The following MYH15 variants were observed in gnomAD, a reference collection of about 807,000 sequenced individuals.
MYH15 encodes myosin heavy chain 15, also known as myosin-15.
MYH15 carries 227 observed loss-of-function variants against 240.5 expected under a neutral mutation model. The observed-to-expected ratio is 0.94, with a 90% CI of 0.85 to 1.05. The LOEUF (loss-of-function observed/expected upper bound fraction) is 1.05, where lower values mean the gene tolerates loss of function less well. MYH15 is among the 50% of genes least tolerant of loss of function. The pLI is 0.00. For missense variants in MYH15, 2,217 were observed against 2,247.5 expected (o/e 0.99, Z 0.27); for synonymous variants, 785 against 796.7 (o/e 0.99, Z 0.25).
chr3:108,432,425 G>GAA (rs112605004), intron 25 of MYH15, among the ~76,000 whole-genome samples: 2 of 146,492 alleles, frequency 1.4e-5, no homozygotes, highest in Admixed American at 6.7e-5. Flanking sequence ...CAGTGTGATA[G>GAA]AAAAAAAAAA....
At chr3:108,498,240 G>T in intron 5 of MYH15, 95 bp from the exon 6 acceptor site, 1 of 1,063,424 alleles carries the variant, frequency 9.4e-7, no homozygotes. Context: ...TGGCAAGCAG[G>T]GAAGCTTTTA....
chr3:108,454,101 T>C lies in MYH15; in HGVS notation c.2304A>G (p.Ile768Met). 3 of 1,612,212 alleles carry C rather than the reference T, an allele frequency of 1.9e-6. No individual in the cohort carries two copies. The highest frequency in any genetic ancestry group is 3.3e-5 in the Admixed American group (2 of 59,924). ...AGACTTTAGATAGTCTCTCATCTCT[T>C]ATTGCTTCCAGTTGGCCCAGAAACC... is the stretch of plus-strand genomic sequence containing the variant. ...KAGFLGQLEA[I>M]RDERLSKVFT... Residue 768 changes from isoleucine (I) to methionine (M), a missense_variant, in exon 21 of 41, where the codon ATA becomes ATG. By Grantham distance (10) the Ile-to-Met change is conservative. Transcript: ENST00000693548.
chr3:108,533,968 C>A (rs529569807), upstream of MYH15, among the ~76,000 whole-genome samples: 1 of 152,284 alleles, frequency 6.6e-6, no homozygotes, highest in African/African-American at 2.4e-5. Flanking sequence ...AATGTATAAC[C>A]AAGTAGATCT....
intron 25 of MYH15, among the ~76,000 whole-genome samples, chr3:108,436,283 C>T (rs575164806): frequency 6.6e-5 from 10 of 152,318 alleles, no homozygotes; most frequent in African/African-American, 2.4e-4. Context: ...TGAAACACAA[C>T]TTCAAAATTG....
the MYH15 span, chr3:108,543,909 T>C: frequency 6.6e-6 from 1 of 150,654 alleles, no homozygotes; most frequent in South Asian, 2.1e-4. Flanking sequence ...AGGAGAACGG[T>C]TGGCTGGAAA....
Position 108,391,884 on chromosome 3 carries a change from G to A in MYH15, c.5306C>T (p.Ala1769Val), listed in dbSNP as rs752209256. 1 of 1,614,080 alleles carries A rather than the reference G, an allele frequency of 6.2e-7. No individual in the cohort carries two copies. The highest frequency in any genetic ancestry group is 8.5e-7 in the Non-Finnish European group (1 of 1,179,954). The change falls in exon 37 of 41, where the codon GCC (alanine) becomes GTC (valine). Residue 1769 changes from alanine to valine, a missense_variant. Transcript: ENST00000693548. ...ATTTTCTCTTGTCCTTTCCAAGTGG[G>A]CAATGGTGTCTTGCTTCTTCTTCAG... ...EELKKKQDTI[A>V]HLERTRENME...
At chr3:108,433,629 T>G (rs998285599) in intron 25 of MYH15, among the ~76,000 whole-genome samples, 3 of 152,180 alleles carry the variant, frequency 2.0e-5, no homozygotes, top group Non-Finnish European at 4.4e-5. Context: ...GCTGTTCTCA[T>G]GATAGTGAGT....
the MYH15 span, among the ~76,000 whole-genome samples, chr3:108,536,779 T>C: frequency 3.3e-5 from 5 of 152,232 alleles, no homozygotes; most frequent in Non-Finnish European, 7.3e-5. Flanking sequence ...TATTAGAATG[T>C]ACACTTACGG....
chr3:108,425,126 A>G (rs1046234705), intron 27 of MYH15, among the ~76,000 whole-genome samples: 19 of 152,250 alleles, frequency 1.2e-4, no homozygotes, highest in Admixed American at 1.2e-3. Context: ...TCTTTAATGC[A>G]GGAGGTTGAA....
At chr3:108,463,604 G>C (rs1489407135) in intron 15 of MYH15, among the ~76,000 whole-genome samples, 1 of 151,974 alleles carries the variant, frequency 6.6e-6, no homozygotes, top group African/African-American at 2.4e-5. Flanking sequence ...CAAAGTGCTG[G>C]GATTACAGGG....
chr3:108,417,792 T>C (rs1303744219), intron 28 of MYH15, among the ~76,000 whole-genome samples: 229 of 86,676 alleles, frequency 2.6e-3, no homozygotes, highest in African/African-American at 7.6e-3. Context: ...TATGTATATA[T>C]ATATACACAC....
At chr3:108,472,930 G>A (rs2107588556) in intron 12 of MYH15, among the ~76,000 whole-genome samples, 1 of 152,196 alleles carries the variant, frequency 6.6e-6, no homozygotes, top group Non-Finnish European at 1.5e-5. Flanking sequence ...TAACCTCACA[G>A]AAGGCTTTGG....
intron 1 of MYH15, among the ~76,000 whole-genome samples, chr3:108,525,200 ATAT>A (rs1018326520): frequency 1.6e-4 from 24 of 152,136 alleles, no homozygotes; most frequent in Non-Finnish European, 3.4e-4. Context: ...ATTAGCTGAC[ATAT>A]TTTAAAACTA....
chr3:108,532,239 T>C (rs993082274), upstream of MYH15, among the ~76,000 whole-genome samples: 21 of 151,944 alleles, frequency 1.4e-4, no homozygotes, highest in African/African-American at 5.1e-4. Context: ...GTGAGGGTGT[T>C]TCTGGACGAG....
At chr3:108,530,830 T>C (rs1232869460), upstream of MYH15, among the ~76,000 whole-genome samples, 5 of 152,264 alleles carry the variant, frequency 3.3e-5, no homozygotes, top group East Asian at 9.6e-4. Flanking sequence ...CTAGAAATGA[T>C]ATAGATGATG....
chr3:108,384,910 C>T, intron 38 of MYH15, 128 bp from the exon 39 acceptor site: 1 of 781,196 alleles, frequency 1.3e-6, no homozygotes, highest in Non-Finnish European at 2.0e-6. Flanking sequence ...GTGATTTTAA[C>T]AATGGGTTTA....
intron 4 of MYH15, 88 bp from the exon 5 acceptor site, chr3:108,499,570 T>A (rs1243081552): frequency 1.6e-6 from 2 of 1,276,850 alleles, no homozygotes; most frequent in Non-Finnish European, 2.3e-6. Flanking sequence ...CTAGCTACAA[T>A]TTGAAATCAG....
chr3:108,475,907 C>T (rs1381514859), intron 12 of MYH15, among the ~76,000 whole-genome samples: 3 of 152,170 alleles, frequency 2.0e-5, no homozygotes, highest in Admixed American at 6.5e-5. Context: ...ATCTGCATGG[C>T]GTTCCATCTC....
Position 108,381,500 on chromosome 3 carries a change from C to T in MYH15, c.*45G>A, listed in dbSNP as rs1466245793. ...TAAGTTTTTGGCCATGAAACAGCAC[C>T]TTCCTTGTACTTCTCCAGCTGTTGT... On this transcript the variant is annotated 3_prime_UTR_variant, in exon 41 of 41. Transcript: ENST00000693548. The T allele has an allele frequency of 3.1e-6, 5 of 1,609,676 alleles. No individual in the cohort carries two copies. The African/African-American group carries it at 6.7e-5, about 22-fold the overall frequency.
Sources: allele counts gnomAD v4.1 joint callset (sites outside exome capture counted in the v4.1 genomes callset), GRCh38; gene constraint gnomAD v4.1.1; transcripts MANE v1.5; gene names NCBI Gene and HGNC (gene_info 2026-07-23, HGNC 2026-07-21).